Variants in ZMAT4 observed in about 807,000 individuals in gnomAD.
ZMAT4 encodes zinc finger matrin-type 4.
In ZMAT4, 17 loss-of-function variants were observed where a neutral mutation model predicts 28.7. The ratio of observed to expected loss-of-function variants is 0.59; its 90% CI spans 0.41 to 0.89. The LOEUF (loss-of-function observed/expected upper bound fraction) is 0.89, where lower values mean the gene tolerates loss of function less well. Ranked by LOEUF, ZMAT4 falls within the 40% of genes least tolerant of loss-of-function variation. ZMAT4 has a pLI of 0.00. For missense variants in ZMAT4, 240 were observed against 283.8 expected, an observed-to-expected ratio of 0.85 and a Z score of 1.11; for synonymous variants, 117 against 109.2, an observed-to-expected ratio of 1.07 and a Z score of -0.44.
chr8:40,761,546 A>T (rs1394103362), intron 3 of ZMAT4, among the ~76,000 whole-genome samples: 1 of 152,124 alleles, frequency 6.6e-6, no homozygotes, highest in African/African-American at 2.4e-5. Context: ...CTGATCATCA[A>T]CTTCATTAGA....
chr8:40,665,414 G>A (rs1014752942), intron 5 of ZMAT4, among the ~76,000 whole-genome samples: 2 of 152,062 alleles, frequency 1.3e-5, no homozygotes, highest in Non-Finnish European at 2.9e-5. Flanking sequence ...ATTACAGGGG[G>A]AGCTATTGTA....
At chr8:40,580,247 C>CAG (rs1804415239) in intron 6 of ZMAT4, among the ~76,000 whole-genome samples, 2 of 151,988 alleles carry the variant, frequency 1.3e-5, no homozygotes, top group Admixed American at 1.3e-4. Context: ...CTGCTGACCT[C>CAG]CTGATCCGCC....
At chr8:40,742,181 G>C (rs1031482167) in intron 3 of ZMAT4, among the ~76,000 whole-genome samples, 1 of 151,950 alleles carries the variant, frequency 6.6e-6, no homozygotes, top group African/African-American at 2.4e-5. Flanking sequence ...TCAGGAGGTA[G>C]AGGTTGCAGT....
At chr8:40,722,863 A>C (rs752657632) in intron 3 of ZMAT4, among the ~76,000 whole-genome samples, 2 of 152,170 alleles carry the variant, frequency 1.3e-5, no homozygotes, top group Non-Finnish European at 2.9e-5. Flanking sequence ...GAGCGTCCAC[A>C]TGCATACTCA....
intron 2 of ZMAT4, among the ~76,000 whole-genome samples, chr8:40,801,605 G>T (rs1814852587): frequency 6.6e-6 from 1 of 151,926 alleles, no homozygotes; most frequent in South Asian, 2.1e-4. Flanking sequence ...AGGAGGCAGA[G>T]GTGGCAGTGG....
At chr8:40,649,766 T>G (rs553711784) in intron 5 of ZMAT4, among the ~76,000 whole-genome samples, 25 of 152,186 alleles carry the variant, frequency 1.6e-4, no homozygotes, top group South Asian at 4.2e-4. Flanking sequence ...TCAGGATTAA[T>G]AATCTCACTC....
intron 2 of ZMAT4, among the ~76,000 whole-genome samples, chr8:40,816,567 T>C (rs912237821): frequency 6.6e-6 from 1 of 151,978 alleles, no homozygotes; most frequent in Non-Finnish European, 1.5e-5. Flanking sequence ...AGATCTAGGT[T>C]ATATGGTAGC....
intron 3 of ZMAT4, among the ~76,000 whole-genome samples, chr8:40,738,696 G>C (rs1033891792): frequency 1.3e-5 from 2 of 152,180 alleles, no homozygotes; most frequent in African/African-American, 4.8e-5. Context: ...CAGTTACTGA[G>C]AGGAGGTGGA....
At chr8:40,639,895 A>G (rs1806945716) in intron 5 of ZMAT4, among the ~76,000 whole-genome samples, 1 of 152,166 alleles carries the variant, frequency 6.6e-6, no homozygotes, top group South Asian at 2.1e-4. Flanking sequence ...AAAGGGTAAA[A>G]AAACTAACCC....
intron 5 of ZMAT4, among the ~76,000 whole-genome samples, chr8:40,655,113 G>A (rs1807858324): frequency 6.7e-6 from 1 of 149,408 alleles, no homozygotes; most frequent in Non-Finnish European, 1.5e-5. Flanking sequence ...TAGGAAATAT[G>A]TTCTGCAAGG....
At chr8:40,567,043 G>A (rs1563343338) in intron 6 of ZMAT4, among the ~76,000 whole-genome samples, 4 of 152,144 alleles carry the variant, frequency 2.6e-5, no homozygotes, top group Non-Finnish European at 5.9e-5. Flanking sequence ...AAGTGCACAT[G>A]TTATCCTGTT....
At chr8:40,726,683 A>C (rs1358895414) in intron 3 of ZMAT4, among the ~76,000 whole-genome samples, 1 of 152,214 alleles carries the variant, frequency 6.6e-6, no homozygotes, top group East Asian at 1.9e-4. Flanking sequence ...GCTTTTTGTG[A>C]AAATAGTTTT....
At chr8:40,873,841 A>G (rs1481771880) in intron 1 of ZMAT4, among the ~76,000 whole-genome samples, 1 of 152,144 alleles carries the variant, frequency 6.6e-6, no homozygotes, top group Non-Finnish European at 1.5e-5. Flanking sequence ...GATGATGTAA[A>G]TTCCATTCAG....
chr8:40,830,213 G>A (rs954693379), intron 1 of ZMAT4, among the ~76,000 whole-genome samples: 3 of 152,070 alleles, frequency 2.0e-5, no homozygotes, highest in African/African-American at 7.2e-5. Context: ...AGGTTCAGGG[G>A]GTACAGGTGC....
intron 4 of ZMAT4, among the ~76,000 whole-genome samples, chr8:40,686,361 A>T (rs1809407187): frequency 6.6e-6 from 1 of 152,028 alleles, no homozygotes. Context: ...GCTAATTGGG[A>T]GGCTGAGGTA....
intron 4 of ZMAT4, among the ~76,000 whole-genome samples, chr8:40,681,387 TC>T (rs1206101200): frequency 5.9e-5 from 9 of 152,386 alleles, no homozygotes; most frequent in East Asian, 1.9e-4. Context: ...TTTATTTTTT[TC>T]CTACCCTAAA....
intron 2 of ZMAT4, among the ~76,000 whole-genome samples, chr8:40,790,129 T>C (rs66460966): frequency 0.41 from 61,924 of 152,024 alleles, 13,037 homozygotes; most frequent in Middle Eastern, 0.48. Context: ...TGTGGCTGAC[T>C]CTCTTGCTAT....
intron 5 of ZMAT4, among the ~76,000 whole-genome samples, chr8:40,581,899 C>T (rs931564619): frequency 6.6e-5 from 10 of 152,162 alleles, no homozygotes; most frequent in Admixed American, 5.2e-4. Context: ...GGATAAGATG[C>T]TCTTTGCTTT....
At chr8:40,648,554 G>A (rs1205679462) in intron 5 of ZMAT4, among the ~76,000 whole-genome samples, 3 of 139,340 alleles carry the variant, frequency 2.2e-5, no homozygotes, top group African/African-American at 8.0e-5. Context: ...CCAACGTTCA[G>A]ATTCAGGAAA....
Sources: allele counts gnomAD v4.1 joint callset (sites outside exome capture counted in the v4.1 genomes callset), GRCh38; gene constraint gnomAD v4.1.1; transcripts MANE v1.5; gene names NCBI Gene and HGNC (gene_info 2026-07-23, HGNC 2026-07-21).